GPC5: variants seen among roughly 807,000 people sequenced by gnomAD.
The protein encoded by GPC5 is glypican-5.
A neutral mutation model predicts 53.9 loss-of-function variants in GPC5; 47 were observed. That is an observed-to-expected ratio of 0.87 (90% confidence interval 0.69 to 1.11). The LOEUF is 1.11. Ranked by LOEUF, GPC5 falls within the 50% of genes most tolerant of loss-of-function variation. GPC5 has a pLI of 0.00. For missense variants in GPC5, 748 were observed against 713.1 expected, an observed-to-expected ratio of 1.05 and a Z score of -0.56; for synonymous variants, 286 against 263.3, an observed-to-expected ratio of 1.09 and a Z score of -0.84.
Position 92,155,715 on chromosome 13 carries a change from C to A in GPC5, c.1561+10726C>A, listed in dbSNP as rs140512180. On this transcript the variant is annotated intron_variant, in intron 7 of 7. Transcript: ENST00000377067. ...GTGGTGCTTTTTTGCTTTTGCATTT[C>A]TGCACATTGTATTTATTTTTGAAGG... Among the ~76,000 whole-genome samples the A allele has an allele frequency of 3.3e-5, 5 of 152,100 alleles. No individual in the cohort carries two copies. In the East Asian group the frequency reaches 9.7e-4, roughly 29 times the overall value.
intron 7 of GPC5, among the ~76,000 whole-genome samples, chr13:92,438,443 G>A (rs1877413332): frequency 6.6e-6 from 1 of 150,704 alleles, no homozygotes; most frequent in African/African-American, 2.4e-5. Context: ...GTCAGCTTAA[G>A]CATGGGTGAC....
At chr13:92,470,122 T>G (rs1190289181) in intron 7 of GPC5, among the ~76,000 whole-genome samples, 1 of 152,180 alleles carries the variant, frequency 6.6e-6, no homozygotes, top group Non-Finnish European at 1.5e-5. Flanking sequence ...AGCTTGTTCG[T>G]GTTTTACTCA....
intron 7 of GPC5, among the ~76,000 whole-genome samples, chr13:92,188,673 G>T (rs911593414): frequency 6.6e-6 from 1 of 151,972 alleles, no homozygotes; most frequent in African/African-American, 2.4e-5. Flanking sequence ...ATATAACAGG[G>T]TTTTTCACAT....
chr13:92,048,244 G>A (rs1230537502), intron 6 of GPC5, among the ~76,000 whole-genome samples: 18 of 151,192 alleles, frequency 1.2e-4, no homozygotes, highest in Non-Finnish European at 2.4e-4. Context: ...ACAAATAATA[G>A]TGTATGTTAT....
At chr13:92,512,326 A>T (rs1170219168) in intron 7 of GPC5, among the ~76,000 whole-genome samples, 3 of 152,144 alleles carry the variant, frequency 2.0e-5, no homozygotes, top group Non-Finnish European at 4.4e-5. Flanking sequence ...AGTCACCTTA[A>T]GTACTTTAGT....
rs879277608 is a variant in GPC5, at chr13:92,527,235, AAGAAAGAAAGAAAGAGAAAGAAAGAAAG to A, written c.1562-339045_1562-339018del. On this transcript the variant is annotated intron_variant, in intron 7 of 7. Transcript: ENST00000377067. Reference sequence around the variant, plus strand: ...AAAGAAAGAAAGAAAGAAAGAAAGAAAGAAAGAAAGAAAGAGAAAGAAAGAAAGAAAGAAAGAAAGAAAGAAAAAGATC... The same window carrying A: ...AAAGAAAGAAAGAAAGAAAGAAAGAAAAAGAAAGAAAGAAAGAAAAAGATC... 4.4e-3 allele frequency among the ~76,000 whole-genome samples: 201 copies of A among 45,182 alleles called. 11 individuals are homozygous for A. Among genetic ancestry groups the A allele is most frequent in the African/African-American group, 0.022 (194 of 8,870 alleles). 29.6% of individuals were successfully genotyped at this position (45,182 alleles called of 152,430 possible).
chr13:92,046,705 A>G (rs1424784096), intron 6 of GPC5, among the ~76,000 whole-genome samples: 1 of 152,234 alleles, frequency 6.6e-6, no homozygotes, highest in African/African-American at 2.4e-5. Context: ...AAATGTAAAG[A>G]GGTTCTGCTT....
At chr13:92,705,695 A>G (rs1427420550) in intron 7 of GPC5, among the ~76,000 whole-genome samples, 1 of 152,080 alleles carries the variant, frequency 6.6e-6, no homozygotes, top group Non-Finnish European at 1.5e-5. Context: ...CTGGCTCACA[A>G]TACGTCTATG....
intron 7 of GPC5, among the ~76,000 whole-genome samples, chr13:92,693,135 C>G: frequency 6.6e-6 from 1 of 152,188 alleles, no homozygotes; most frequent in Admixed American, 6.5e-5. Context: ...GAGGCCTTCC[C>G]AGCCATACAG....
chr13:91,963,339 C>T (rs1422484102), intron 6 of GPC5, among the ~76,000 whole-genome samples: 2 of 152,164 alleles, frequency 1.3e-5, no homozygotes, highest in African/African-American at 4.8e-5. Flanking sequence ...TTTTACCCTT[C>T]TGTGTATACG....
At chr13:91,963,202 G>A (rs570744245) in intron 6 of GPC5, among the ~76,000 whole-genome samples, 5 of 152,256 alleles carry the variant, frequency 3.3e-5, no homozygotes, top group Non-Finnish European at 7.4e-5. Context: ...GTAGTGCTTA[G>A]GAATGAAGCA....
chr13:92,323,146 A>G (rs2043226940), intron 7 of GPC5, among the ~76,000 whole-genome samples: 1 of 151,518 alleles, frequency 6.6e-6, no homozygotes, highest in Admixed American at 6.6e-5. Context: ...ATGAAATCGA[A>G]GAAATCACAG....
chr13:92,180,754 G>C (rs1387495334), intron 7 of GPC5: 2 of 191,540 alleles, frequency 1.0e-5, no homozygotes, highest in Non-Finnish European at 2.2e-5. Flanking sequence ...AGCTGACACT[G>C]TTCATGACAC....
chr13:91,934,497 G>A (rs1324858404), intron 6 of GPC5, among the ~76,000 whole-genome samples: 1 of 151,698 alleles, frequency 6.6e-6, no homozygotes, highest in Non-Finnish European at 1.5e-5. Flanking sequence ...GCTGTCTGAC[G>A]GTCACTGAAA....
chr13:92,831,331 C>T (rs1878036076), intron 7 of GPC5, among the ~76,000 whole-genome samples: 1 of 151,926 alleles, frequency 6.6e-6, no homozygotes, highest in Non-Finnish European at 1.5e-5. Context: ...ATACTTGAAC[C>T]ACATGTATCA....
intron 5 of GPC5, among the ~76,000 whole-genome samples, chr13:91,852,160 T>G (rs905535170): frequency 2.6e-5 from 4 of 152,106 alleles, no homozygotes; most frequent in African/African-American, 9.7e-5. Flanking sequence ...ATTTTTACTT[T>G]ACAAGCATTA....
chr13:92,412,614 A>G (rs1038249262), intron 7 of GPC5, among the ~76,000 whole-genome samples: 5 of 152,200 alleles, frequency 3.3e-5, no homozygotes, highest in African/African-American at 7.2e-5. Flanking sequence ...AGCCATGACC[A>G]TTGGTTTAAG....
intron 6 of GPC5, among the ~76,000 whole-genome samples, chr13:92,102,376 G>A (rs1690770725): frequency 6.6e-6 from 1 of 152,146 alleles, no homozygotes; most frequent in African/African-American, 2.4e-5. Context: ...TAGCAGACTG[G>A]CCAAGCTGAG....
chr13:92,306,683 A>G (rs761544167), intron 7 of GPC5, among the ~76,000 whole-genome samples: 2 of 152,064 alleles, frequency 1.3e-5, no homozygotes, highest in Non-Finnish European at 2.9e-5. Flanking sequence ...CCCACCTTCA[A>G]CCTATGTCAT....
Sources: allele counts gnomAD v4.1 joint callset (sites outside exome capture counted in the v4.1 genomes callset), GRCh38; gene constraint gnomAD v4.1.1; transcripts MANE v1.5; gene names NCBI Gene and HGNC (gene_info 2026-07-23, HGNC 2026-07-21).